TRAPPC11: variants seen among roughly 807,000 people sequenced by gnomAD.
TRAPPC11 encodes foie gras homolog.
Under a neutral mutation model 151.2 loss-of-function variants are expected in TRAPPC11, and 104 were observed. The ratio of observed to expected loss-of-function variants is 0.69; its 90% confidence interval spans 0.59 to 0.81. TRAPPC11 has a LOEUF of 0.81. Among genes scored for constraint, TRAPPC11 ranks in the 30% least tolerant of loss-of-function variants. The pLI is 0.00. For missense variants in TRAPPC11, 1,230 were observed against 1,349.6 expected (o/e 0.91, Z 1.39); for synonymous variants, 456 against 472.3 (o/e 0.97, Z 0.45).
At chr4:183,687,106 G>A (rs749938869) in intron 18 of TRAPPC11, among the ~76,000 whole-genome samples, 45 of 152,090 alleles carry the variant, frequency 3.0e-4, no homozygotes, top group Non-Finnish European at 5.7e-4. Flanking sequence ...ACTTGAACTC[G>A]GGAGATGGAG....
intron 11 of TRAPPC11, 88 bp from the exon 12 acceptor site, chr4:183,683,887 G>A: frequency 9.9e-7 from 1 of 1,010,794 alleles, no homozygotes; most frequent in Non-Finnish European, 1.6e-6. Context: ...ATTAAATAAA[G>A]GTTTCAAGGA....
intron 8 of TRAPPC11, 43 bp downstream of exon 8, chr4:183,677,597 A>G (rs1428451681): frequency 1.8e-5 from 20 of 1,083,452 alleles, no homozygotes; most frequent in Non-Finnish European, 2.8e-5. Context: ...GTGTTTCAAT[A>G]TTAAATTATC....
At chr4:183,703,140 A>C (rs1736883769) in intron 26 of TRAPPC11, among the ~76,000 whole-genome samples, 1 of 152,230 alleles carries the variant, frequency 6.6e-6, no homozygotes, top group South Asian at 2.1e-4. Flanking sequence ...TTTGTTCATG[A>C]AGAGCACCCA....
At chr4:183,663,334 C>T (rs527353518) in intron 1 of TRAPPC11, among the ~76,000 whole-genome samples, 8 of 152,132 alleles carry the variant, frequency 5.3e-5, no homozygotes, top group South Asian at 2.1e-4. Flanking sequence ...CCCGGGTTCA[C>T]GCCATTCTCC....
intron 24 of TRAPPC11, 49 bp downstream of exon 24, chr4:183,697,617 A>T: frequency 1.2e-6 from 2 of 1,606,802 alleles, no homozygotes; most frequent in Non-Finnish European, 1.7e-6. Flanking sequence ...ATAAAAATGG[A>T]CTGAAATGAT....
chr4:183,660,859 A>G (rs148688377), intron 1 of TRAPPC11, among the ~76,000 whole-genome samples: 3,270 of 150,964 alleles, frequency 0.022, 58 homozygotes, highest in African/African-American at 0.045. Flanking sequence ...GACTATAGGC[A>G]CGCATCACCA....
chr4:183,686,824 A>T, intron 18 of TRAPPC11, 76 bp downstream of exon 18: 1 of 1,505,464 alleles, frequency 6.6e-7, no homozygotes, highest in Non-Finnish European at 9.1e-7. Flanking sequence ...AAATGAGCTT[A>T]GTGAATTTTA....
In TRAPPC11 at chr4:183,679,334, T is replaced by A; in HGVS notation, c.832-19T>A. ...TTTCTTTTTTTCCTTTATTTTGGGA[T>A]CAATTTTACATTTTGCAGATCTGTA... On this transcript the variant is annotated intron_variant, in intron 8 of 29. Transcript: ENST00000334690. The A allele has an allele frequency of 6.5e-7, 1 of 1,537,474 alleles. No individual in the cohort carries two copies. Among genetic ancestry groups the A allele is most frequent in the Non-Finnish European group, 8.7e-7 (1 of 1,144,640 alleles).
At chr4:183,663,614 C>T (rs2111288058) in intron 1 of TRAPPC11, among the ~76,000 whole-genome samples, 1 of 152,236 alleles carries the variant, frequency 6.6e-6, no homozygotes, top group South Asian at 2.1e-4. Flanking sequence ...AGTGATCCAC[C>T]TGCTTCGGCC....
chr4:183,665,175 A>G lies in TRAPPC11; in HGVS notation c.205-1082A>G, dbSNP rs1319953420. Among the ~76,000 whole-genome samples, 32 of 147,880 alleles carry G rather than the reference A, an allele frequency of 2.2e-4. 1 individual carries two copies. The highest frequency in any genetic ancestry group is 2.1e-3 in the South Asian group (10 of 4,724). ...TGTGGCGCGATATCGGCTCACTGCAAGCTCCGCCTCCTGGGTTCGTGCCAT... is the reference window on the plus strand; with the variant it reads ...TGTGGCGCGATATCGGCTCACTGCAGGCTCCGCCTCCTGGGTTCGTGCCAT... On this transcript the variant is annotated intron_variant, in intron 2 of 29. Coordinates refer to ENST00000334690, the MANE Select transcript of TRAPPC11 (RefSeq NM_021942.6).
intron 2 of TRAPPC11, among the ~76,000 whole-genome samples, chr4:183,665,091 CTT>C (rs66913932): frequency 1.1e-4 from 12 of 106,450 alleles, no homozygotes; most frequent in African/African-American, 4.0e-4. Context: ...TCTTTTCTTT[CTT>C]TTTTTTTTTT....
At chr4:183,668,601 C>G (rs1027130073) in intron 5 of TRAPPC11, among the ~76,000 whole-genome samples, 14 of 152,188 alleles carry the variant, frequency 9.2e-5, no homozygotes, top group Non-Finnish European at 2.9e-5. Flanking sequence ...TGTCTCCATT[C>G]CACTCTGGCC....
At position 183,693,148 on chromosome 4, in the gene TRAPPC11, G is replaced by A; in HGVS notation, c.2237+1G>A. The A allele has an allele frequency of 1.3e-6, 2 of 1,583,520 alleles. No homozygotes were observed. Among genetic ancestry groups the A allele is most frequent in the Non-Finnish European group, 1.7e-6 (2 of 1,162,656 alleles). The stretch of plus-strand genomic sequence containing the variant: ...GCATTATAATTCAGGCAAGCACAAT[G>A]TAAGTCTGCTTTGCTAAGCTGATAT... On this transcript the variant is annotated splice_donor_variant, in intron 20 of 29. Transcript: ENST00000334690. LOFTEE classifies it high-confidence loss of function.
rs183739653 is a variant in TRAPPC11 at position 183,665,166 on chromosome 4, C to T, written c.205-1091C>T. ...CTGGAGTGCTGTGGCGCGATATCGG[C>T]TCACTGCAAGCTCCGCCTCCTGGGT... On this transcript the variant is annotated intron_variant, in intron 2 of 29. Coordinates refer to ENST00000334690, the MANE Select transcript of TRAPPC11 (RefSeq NM_021942.6). Among the ~76,000 whole-genome samples, 667 of 138,930 alleles carry T rather than the reference C, an allele frequency of 4.8e-3. 23 individuals are homozygous for T. The Admixed American group carries it at 0.048, about 10-fold the overall frequency. 91.1% of individuals were successfully genotyped at this position (138,930 alleles called of 152,430 possible).
chr4:183,677,362 A>T (rs1735464778), intron 7 of TRAPPC11, 96 bp from the exon 8 acceptor site: 1 of 781,326 alleles, frequency 1.3e-6, no homozygotes, highest in African/African-American at 1.7e-5. Context: ...TGAGCACTAA[A>T]ATGTTGAGTA....
intron 26 of TRAPPC11, among the ~76,000 whole-genome samples, chr4:183,704,623 C>T (rs1736962360): frequency 6.6e-6 from 1 of 151,596 alleles, no homozygotes; most frequent in African/African-American, 2.4e-5. Flanking sequence ...ACCATCCTAG[C>T]TAACACGGTG....
intron 1 of TRAPPC11, among the ~76,000 whole-genome samples, chr4:183,660,759 G>A (rs1734443471): frequency 6.6e-6 from 1 of 152,216 alleles, no homozygotes. Flanking sequence ...TGTTGCCCAG[G>A]CTGGAGTGCA....
chr4:183,684,950 A>T, intron 15 of TRAPPC11, 109 bp downstream of exon 15: 1 of 1,300,994 alleles, frequency 7.7e-7, no homozygotes, highest in East Asian at 2.5e-5. Flanking sequence ...AGTATACTTT[A>T]CTATGTGCAA....
At chr4:183,704,867 A>G (rs1009551851) in intron 26 of TRAPPC11, 112 bp from the exon 27 acceptor site, 13 of 547,088 alleles carry the variant, frequency 2.4e-5, no homozygotes, top group African/African-American at 1.9e-4. Flanking sequence ...GATAAGTAAC[A>G]TTTCCTTTGA....
Sources: gnomAD v4.1 joint callset for allele counts (sites outside exome capture counted in the v4.1 genomes callset) on GRCh38, gnomAD v4.1.1 for gene constraint, MANE v1.5 for transcripts, NCBI Gene and HGNC (gene_info 2026-07-23, HGNC 2026-07-21) for gene names.